The following SNTA1 variants were observed in gnomAD, a reference collection of about 807,000 sequenced individuals.
SNTA1 encodes the protein syntrophin alpha 1, also known as alpha-1-syntrophin.
Under a neutral mutation model 47.1 loss-of-function variants are expected in SNTA1, and 31 were observed. The observed-to-expected ratio is 0.66, with a 90% CI of 0.49 to 0.89. The LOEUF (loss-of-function observed/expected upper bound fraction) is 0.89, where lower values mean the gene tolerates loss of function less well. Ranked by LOEUF, SNTA1 falls within the 40% of genes least tolerant of loss-of-function variation. SNTA1 has a pLI of 0.00. For missense variants in SNTA1, 575 were observed against 693.0 expected (o/e 0.83, Z 1.91); for synonymous variants, 300 against 313.6 (o/e 0.96, Z 0.46).
At chr20:33,435,126 G>A (rs999046498) in intron 2 of SNTA1, among the ~76,000 whole-genome samples, 11 of 151,042 alleles carry the variant, frequency 7.3e-5, no homozygotes, top group African/African-American at 2.4e-4. Flanking sequence ...GAGTAGCTGG[G>A]ATTACAGGCA....
Position 33,417,699 on chromosome 20 carries a change from G to A in SNTA1, c.701+20C>T. The A allele has an allele frequency of 6.3e-7, 1 of 1,591,964 alleles. No individual in the cohort carries two copies. Among genetic ancestry groups the A allele is most frequent in the South Asian group, 1.1e-5 (1 of 90,646 alleles). ...GCCAGGGCATCTGTCCATCTGAGTTGCTCCCAACCCCAGCCTTACCTGGGC... is the reference window on the plus strand; with the variant it reads ...GCCAGGGCATCTGTCCATCTGAGTTACTCCCAACCCCAGCCTTACCTGGGC... On this transcript the variant is annotated intron_variant, in intron 3 of 7. Coordinates refer to ENST00000217381, the MANE Select transcript of SNTA1 (RefSeq NM_003098.3).
chr20:33,439,434 G>A (rs1213311375), intron 1 of SNTA1, among the ~76,000 whole-genome samples: 1 of 152,202 alleles, frequency 6.6e-6, no homozygotes, highest in Non-Finnish European at 1.5e-5. Flanking sequence ...CGAGGCTGCA[G>A]TGAGCTGAGA....
intron 2 of SNTA1, among the ~76,000 whole-genome samples, chr20:33,431,954 T>C (rs1231648602): frequency 2.0e-5 from 3 of 152,062 alleles, no homozygotes; most frequent in Admixed American, 6.6e-5. Context: ...TTAATCAAGG[T>C]CCGGGGAACA....
chr20:33,435,221 G>A (rs1306330427), intron 2 of SNTA1, among the ~76,000 whole-genome samples: 5 of 149,102 alleles, frequency 3.4e-5, no homozygotes, highest in Non-Finnish European at 6.0e-5. Flanking sequence ...CAAACTCCTG[G>A]CCTCAGGTGA....
Position 33,427,495 on chromosome 20 carries a change from C to A in SNTA1, c.497-9572G>T, listed in dbSNP as rs550843773. ...AGCAAGGCTGAACTATAAATAGTCC[C>A]CAGACTCTGGCAGGCCCTATAACAG... is the stretch of plus-strand genomic sequence containing the variant. On this transcript the variant is annotated intron_variant, in intron 2 of 7. Transcript: ENST00000217381. Among the ~76,000 whole-genome samples the A allele has an allele frequency of 7.2e-5, 11 of 152,214 alleles. 1 individual carries two copies. In the South Asian group the frequency reaches 2.1e-3, roughly 29 times the overall value.
At chr20:33,427,765 G>A (rs981220216) in intron 2 of SNTA1, among the ~76,000 whole-genome samples, 1 of 152,022 alleles carries the variant, frequency 6.6e-6, no homozygotes, top group Non-Finnish European at 1.5e-5. Flanking sequence ...ATGAATAGGG[G>A]CTGCTAAAAA....
intron 2 of SNTA1, among the ~76,000 whole-genome samples, chr20:33,433,806 C>T (rs1328919804): frequency 6.6e-6 from 1 of 152,164 alleles, no homozygotes; most frequent in Non-Finnish European, 1.5e-5. Context: ...AAACACACCC[C>T]TCTGGCTGAG....
intron 2 of SNTA1, among the ~76,000 whole-genome samples, chr20:33,425,518 C>T (rs1456452790): frequency 1.3e-5 from 2 of 151,964 alleles, no homozygotes; most frequent in East Asian, 3.9e-4. Flanking sequence ...AAAAATTAGC[C>T]AGGTGTGGTA....
intron 2 of SNTA1, among the ~76,000 whole-genome samples, chr20:33,433,487 G>A (rs1207725051): frequency 7.2e-5 from 11 of 151,752 alleles, no homozygotes; most frequent in Admixed American, 2.0e-4. Flanking sequence ...GGCTAGTCTC[G>A]AACCCCTGAC....
intron 2 of SNTA1, among the ~76,000 whole-genome samples, chr20:33,425,449 C>T (rs1222887995): frequency 2.0e-5 from 3 of 151,866 alleles, no homozygotes; most frequent in Non-Finnish European, 4.4e-5. Flanking sequence ...TCTTTTGAGC[C>T]CAGGAGTTCA....
At chr20:33,433,742 G>A (rs893182482) in intron 2 of SNTA1, among the ~76,000 whole-genome samples, 9 of 152,174 alleles carry the variant, frequency 5.9e-5, no homozygotes, top group East Asian at 1.9e-4. Context: ...CGGGCCTCTC[G>A]AAGCAGCGGA....
At chr20:33,423,344 T>G (rs574915846) in intron 2 of SNTA1, among the ~76,000 whole-genome samples, 40 of 152,322 alleles carry the variant, frequency 2.6e-4, no homozygotes, top group Middle Eastern at 3.4e-3. Flanking sequence ...CCTCTCTGAT[T>G]TCTGCCTGAG....
rs949722422 is a variant in SNTA1, at chr20:33,443,585, C to T, written c.36G>A (p.Leu12=). Reference sequence around the variant, plus strand: ...AGCCCGCCCCGGCGCGCAGCTCCAGCAGCCCGGTGCGCGGGGCGCGCCTGC... The same window carrying T: ...AGCCCGCCCCGGCGCGCAGCTCCAGTAGCCCGGTGCGCGGGGCGCGCCTGC... ...ASGRRAPRTG[L]LELRAGAGSG... Residue 12 remains leucine, a synonymous_variant, in exon 1 of 8, where the codon CTG becomes CTA. Transcript: ENST00000217381. 1 of 1,270,184 alleles carries T rather than the reference C, an allele frequency of 7.9e-7. No homozygotes were observed. Among genetic ancestry groups the T allele is most frequent in the Admixed American group, 3.7e-5 (1 of 27,386 alleles). 78.7% of individuals were successfully genotyped at this position (1,270,184 alleles called of 1,614,324 possible). A position where few individuals can be genotyped will look rare whatever the true frequency, so the allele number is the denominator to read the frequency against.
At chr20:33,430,978 C>A (rs958044767) in intron 2 of SNTA1, among the ~76,000 whole-genome samples, 6 of 152,036 alleles carry the variant, frequency 3.9e-5, no homozygotes, top group African/African-American at 1.4e-4. Flanking sequence ...GGGTTTTCAG[C>A]CAGGCACACT....
At chr20:33,414,546 A>T (rs916830169) in intron 3 of SNTA1, among the ~76,000 whole-genome samples, 1 of 152,106 alleles carries the variant, frequency 6.6e-6, no homozygotes, top group African/African-American at 2.4e-5. Context: ...GTGAGCTGAG[A>T]TCACACCACT....
chr20:33,438,545 C>T lies in SNTA1; in HGVS notation c.496+296G>A, dbSNP rs185558783. 7.9e-5 allele frequency among the ~76,000 whole-genome samples: 12 copies of T among 152,304 alleles called. No homozygotes were observed. In the East Asian group the frequency reaches 2.1e-3, roughly 27 times the overall value. Reference sequence around the variant, plus strand: ...ACCCAGAAAGGCAGGAGCTACATCCCTGTTTTACAAATGAGGAAACTAAGG... The same window carrying T: ...ACCCAGAAAGGCAGGAGCTACATCCTTGTTTTACAAATGAGGAAACTAAGG... On this transcript the variant is annotated intron_variant, in intron 2 of 7. Transcript: ENST00000217381.
chr20:33,415,035 G>A (rs1041563429), intron 3 of SNTA1, among the ~76,000 whole-genome samples: 2 of 152,196 alleles, frequency 1.3e-5, no homozygotes, highest in African/African-American at 4.8e-5. Context: ...CTGGGATACT[G>A]CACTGACAGT....
chr20:33,415,120 GCA>G (rs1989841986), intron 3 of SNTA1, among the ~76,000 whole-genome samples: 1 of 95,806 alleles, frequency 1.0e-5, no homozygotes, highest in Non-Finnish European at 2.8e-5. Context: ...AAACACACAT[GCA>G]CACACATATG....
chr20:33,438,821 C>A lies in SNTA1; in HGVS notation c.496+20G>T, dbSNP rs1336527160. 8.7e-6 allele frequency: 14 copies of A among 1,608,950 alleles called. No individual in the cohort carries two copies. The highest frequency in any genetic ancestry group is 1.0e-5 in the Non-Finnish European group (12 of 1,176,520). On this transcript the variant is annotated intron_variant, in intron 2 of 7. Coordinates refer to ENST00000217381, the MANE Select transcript of SNTA1 (RefSeq NM_003098.3). ...ACACCTCCACCCAGCCCCTCTGAAC[C>A]CTGGAACGTCAGTGCTTACCCTCCA...
Sources: allele counts gnomAD v4.1 joint callset (sites outside exome capture counted in the v4.1 genomes callset), GRCh38; gene constraint gnomAD v4.1.1; transcripts MANE v1.5; gene names NCBI Gene and HGNC (gene_info 2026-07-23, HGNC 2026-07-21).